Variants in MEMO1 observed in about 807,000 individuals in gnomAD.
MEMO1 encodes the protein mediator of cell motility 1.
In MEMO1, 6 loss-of-function variants were observed where a neutral mutation model predicts 45.2. The ratio of observed to expected loss-of-function variants is 0.13; its 90% CI spans 0.07 to 0.26. The LOEUF (loss-of-function observed/expected upper bound fraction) is 0.26, where lower values mean the gene tolerates loss of function less well. Ranked by LOEUF, MEMO1 falls within the 10% of genes least tolerant of loss-of-function variation. The pLI is 1.00. For missense variants in MEMO1, 184 were observed against 370.5 expected (o/e 0.50, Z 4.13); for synonymous variants, 78 against 124.3 (o/e 0.63, Z 2.48).
rs551772558 is a variant in MEMO1 at position 32,007,887 on chromosome 2, T to C, written c.61+2300A>G. On this transcript the variant is annotated intron_variant, in intron 2 of 9. Coordinates refer to ENST00000404530, the MANE Select transcript of MEMO1 (RefSeq NM_001301833.4). Reference sequence around the variant, plus strand: ...TAAAATACAAAATAAGCTTTTACAATTGAATTGCTTTAAATCTACCCTCAA... The same window carrying C: ...TAAAATACAAAATAAGCTTTTACAACTGAATTGCTTTAAATCTACCCTCAA... Among the ~76,000 whole-genome samples, 10 of 152,314 alleles carry C rather than the reference T, an allele frequency of 6.6e-5. No individual in the cohort carries two copies. The South Asian group carries it at 1.9e-3, about 28-fold the overall frequency.
At chr2:31,895,882 G>A (rs538067572) in intron 6 of MEMO1, among the ~76,000 whole-genome samples, 26 of 123,928 alleles carry the variant, frequency 2.1e-4, no homozygotes, top group African/African-American at 6.7e-4. Flanking sequence ...TCTCGCTGTC[G>A]CCCAGGCTGG....
At chr2:31,993,136 G>T (rs866305744) in intron 2 of MEMO1, among the ~76,000 whole-genome samples, 12 of 152,040 alleles carry the variant, frequency 7.9e-5, no homozygotes, top group African/African-American at 2.9e-4. Flanking sequence ...CTGTGCCACC[G>T]CATTCCAGCC....
intron 6 of MEMO1, among the ~76,000 whole-genome samples, chr2:31,913,047 G>A (rs938573473): frequency 1.3e-5 from 2 of 152,076 alleles, no homozygotes; most frequent in Admixed American, 6.6e-5. Context: ...GGGAGGCCAA[G>A]GCGGGCGGAT....
chr2:31,921,046 T>A, intron 4 of MEMO1, 136 bp from the exon 5 acceptor site: 1 of 578,284 alleles, frequency 1.7e-6, no homozygotes, highest in Non-Finnish European at 3.1e-6. Context: ...CTGAACTGTG[T>A]TCCCCTCCAA....
intron 3 of MEMO1, among the ~76,000 whole-genome samples, chr2:31,934,222 T>C (rs1217711317): frequency 1.3e-5 from 2 of 152,128 alleles, no homozygotes; most frequent in Non-Finnish European, 2.9e-5. Flanking sequence ...AACTGCTCCT[T>C]CCACCTTAGA....
rs977872130 is a variant in MEMO1, at chr2:31,903,283, TAAC to T, written c.438-11152_438-11150del. ...GATGTGAGGAGAATTAAACCAACTGTAACAACAACTACAGTTAGCCAGTCAGAA... is the reference window on the plus strand; with the variant it reads ...GATGTGAGGAGAATTAAACCAACTGTAACAACTACAGTTAGCCAGTCAGAA... On this transcript the variant is annotated intron_variant, in intron 6 of 9. Transcript: ENST00000404530. Among the ~76,000 whole-genome samples the T allele has an allele frequency of 3.4e-4, 51 of 152,132 alleles. 1 individual carries two copies. Among genetic ancestry groups the T allele is most frequent in the Non-Finnish European group, 1.3e-4 (9 of 68,028 alleles).
intron 2 of MEMO1, among the ~76,000 whole-genome samples, chr2:31,970,742 G>A (rs1228546888): frequency 6.6e-6 from 1 of 152,084 alleles, no homozygotes; most frequent in African/African-American, 2.4e-5. Context: ...GGTGGCTCAC[G>A]CCTGTAATCC....
intron 2 of MEMO1, among the ~76,000 whole-genome samples, chr2:31,978,022 T>G (rs1670204861): frequency 6.6e-6 from 1 of 152,132 alleles, no homozygotes; most frequent in African/African-American, 2.4e-5. Flanking sequence ...GTCAGCTGGT[T>G]GAAAAACCAG....
rs143693900 is a variant in MEMO1, at chr2:31,871,314, A to G, written c.658-1362T>C. On this transcript the variant is annotated intron_variant, in intron 8 of 9. Transcript: ENST00000404530. Reference sequence around the variant, plus strand: ...TATTTCACATTTTAACAAAACAGGTATAGTGTAAAAGCACCAAGAGTAATC... The same window carrying G: ...TATTTCACATTTTAACAAAACAGGTGTAGTGTAAAAGCACCAAGAGTAATC... Among the ~76,000 whole-genome samples, 87 of 152,344 alleles carry G rather than the reference A, an allele frequency of 5.7e-4. No homozygotes were observed. In the East Asian group the frequency reaches 7.7e-3, roughly 13 times the overall value.
At chr2:31,933,648 C>G (rs565781552) in intron 3 of MEMO1, among the ~76,000 whole-genome samples, 36 of 151,974 alleles carry the variant, frequency 2.4e-4, no homozygotes, top group African/African-American at 8.0e-4. Flanking sequence ...TCACAGCTGT[C>G]TACTACAGCA....
intron 2 of MEMO1, among the ~76,000 whole-genome samples, chr2:31,976,255 A>G (rs1178858332): frequency 1.3e-5 from 2 of 152,176 alleles, no homozygotes; most frequent in Non-Finnish European, 2.9e-5. Context: ...TACATTCCAA[A>G]CTTAGAAAGT....
intron 2 of MEMO1, chr2:31,963,145 G>A: frequency 6.6e-7 from 1 of 1,518,908 alleles, no homozygotes. Flanking sequence ...CATTTCTTAG[G>A]GCTTCAGACT....
chr2:31,960,614 C>T (rs577172398), intron 2 of MEMO1, among the ~76,000 whole-genome samples: 1 of 152,172 alleles, frequency 6.6e-6, no homozygotes, highest in Admixed American at 6.5e-5. Context: ...TATTTAGAGT[C>T]TCACTCTATT....
intron 3 of MEMO1, among the ~76,000 whole-genome samples, chr2:31,940,380 T>A (rs1051784722): frequency 6.6e-6 from 1 of 152,126 alleles, no homozygotes; most frequent in Non-Finnish European, 1.5e-5. Flanking sequence ...ACCTCAACAT[T>A]AACAAGATCA....
intron 2 of MEMO1, among the ~76,000 whole-genome samples, chr2:31,971,691 C>T (rs1031496123): frequency 6.6e-5 from 10 of 151,824 alleles, no homozygotes; most frequent in Non-Finnish European, 1.3e-4. Context: ...CAACTAAGGC[C>T]GGGCAAGGTG....
chr2:32,004,142 T>C (rs569413545), intron 2 of MEMO1, among the ~76,000 whole-genome samples: 1 of 152,218 alleles, frequency 6.6e-6, no homozygotes, highest in African/African-American at 2.4e-5. Context: ...GATCACACCA[T>C]TGCCATCCAA....
intron 2 of MEMO1, among the ~76,000 whole-genome samples, chr2:31,948,128 C>G (rs954350914): frequency 1.3e-4 from 20 of 152,270 alleles, no homozygotes; most frequent in African/African-American, 4.3e-4. Flanking sequence ...AGCAACCTGT[C>G]TAGATCAACA....
At chr2:31,894,546 T>A (rs922740500) in intron 6 of MEMO1, among the ~76,000 whole-genome samples, 1 of 152,152 alleles carries the variant, frequency 6.6e-6, no homozygotes, top group African/African-American at 2.4e-5. Flanking sequence ...GAGAGACCTA[T>A]GCCCTCCACA....
In MEMO1 at chr2:31,926,863, T is replaced by G. The variant is rs1207899796; in HGVS notation, c.212+5204A>C. ...CTCTGCCTCAAAAAAAAAAGAAAAA[T>G]AAACAAAACAAAACAAAACAAAAAG... On this transcript the variant is annotated intron_variant, in intron 4 of 9. Coordinates refer to ENST00000404530, the MANE Select transcript of MEMO1 (RefSeq NM_001301833.4). Among the ~76,000 whole-genome samples, 5 of 147,780 alleles carry G rather than the reference T, an allele frequency of 3.4e-5. No homozygotes were observed. In the South Asian group the frequency reaches 1.1e-3, roughly 32 times the overall value.
Sources: allele counts gnomAD v4.1 joint callset (sites outside exome capture counted in the v4.1 genomes callset), GRCh38; gene constraint gnomAD v4.1.1; transcripts MANE v1.5; gene names NCBI Gene and HGNC (gene_info 2026-07-23, HGNC 2026-07-21).